PRDM10: variants seen among roughly 807,000 people sequenced by gnomAD.
The protein encoded by PRDM10 is PR domain zinc finger protein 10.
PRDM10 carries 65 observed loss-of-function variants against 133.1 expected under a neutral mutation model. That is an observed-to-expected ratio of 0.49 (90% confidence interval 0.40 to 0.60). The LOEUF (loss-of-function observed/expected upper bound fraction) is 0.60, where lower values mean the gene tolerates loss of function less well. PRDM10 is among the 20% of genes least tolerant of loss of function. PRDM10 has a pLI of 0.00. For synonymous variants in PRDM10, 582 were observed against 580.4 expected (o/e 1.00, Z -0.04); for missense variants, 1,137 against 1,507.1 (o/e 0.75, Z 4.07).
chr11:129,917,095 G>A, intron 15 of PRDM10, 32 bp downstream of exon 15: 1 of 1,516,256 alleles, frequency 6.6e-7, no homozygotes, highest in Non-Finnish European at 9.1e-7. Flanking sequence ...GGGAACCCCA[G>A]TGGCATACCA....
At chr11:129,989,917 C>G (rs1380690921) in intron 1 of PRDM10, among the ~76,000 whole-genome samples, 1 of 152,074 alleles carries the variant, frequency 6.6e-6, no homozygotes, top group Non-Finnish European at 1.5e-5. Context: ...AAGAAGAAAA[C>G]TCAGGCCGGG....
chr11:129,980,512 A>C (rs1327378385), intron 1 of PRDM10, among the ~76,000 whole-genome samples: 1 of 152,122 alleles, frequency 6.6e-6, no homozygotes, highest in Non-Finnish European at 1.5e-5. Context: ...GCTTCATCCC[A>C]AAACCATCCC....
At position 129,923,115 on chromosome 11, in the gene PRDM10, G is replaced by T; in HGVS notation, c.2034+133C>A. On this transcript the variant is annotated intron_variant, in intron 13 of 20. Coordinates refer to ENST00000360871, the MANE Select transcript of PRDM10 (RefSeq NM_199437.2). This position sits in a 1 kb window ranked among gnomAD's most constrained non-coding sequence, Gnocchi z 4.4. Reference sequence around the variant, plus strand: ...ATTTTATAACTAAGTCAAACACAAGGCCCAAAGAGTATCTCAGGTCCAGTT... The same window carrying T: ...ATTTTATAACTAAGTCAAACACAAGTCCCAAAGAGTATCTCAGGTCCAGTT... 3 of 1,090,788 alleles carry T rather than the reference G, an allele frequency of 2.8e-6. No homozygotes were observed. Among genetic ancestry groups the T allele is most frequent in the Non-Finnish European group, 3.7e-6 (3 of 801,970 alleles). 67.6% of individuals were successfully genotyped at this position (1,090,788 alleles called of 1,614,324 possible).
At chr11:129,988,935 A>G (rs147563558) in intron 1 of PRDM10, among the ~76,000 whole-genome samples, 1 of 152,110 alleles carries the variant, frequency 6.6e-6, no homozygotes, top group African/African-American at 2.4e-5. Flanking sequence ...GGCCAAGTCA[A>G]TGCAAACTTT....
intron 11 of PRDM10, chr11:129,929,454 G>A: frequency 6.5e-7 from 1 of 1,546,972 alleles, no homozygotes; most frequent in Non-Finnish European, 8.7e-7. Flanking sequence ...GAGAAAAATA[G>A]TTACATTACC....
chr11:129,916,768 A>G (rs1950371808), intron 15 of PRDM10, among the ~76,000 whole-genome samples: 1 of 152,232 alleles, frequency 6.6e-6, no homozygotes, highest in African/African-American at 2.4e-5. Flanking sequence ...TCCACCTTAT[A>G]GAAACCCCAA....
In PRDM10 at chr11:130,000,649, T is replaced by C. The variant is rs914918705; in HGVS notation, c.-119+2073A>G. ...TTTGAAAAAGCAAAACAATTTTGCC[T>C]TGCAAAACGAGGAACAGCATAGCAG... is the stretch of plus-strand genomic sequence containing the variant. On this transcript the variant is annotated intron_variant, in intron 1 of 20. Transcript: ENST00000360871. Among the ~76,000 whole-genome samples, 5 of 152,198 alleles carry C rather than the reference T, an allele frequency of 3.3e-5. No homozygotes were observed. The East Asian group carries it at 9.6e-4, about 29-fold the overall frequency.
At chr11:129,984,086 C>T (rs1462791406) in intron 1 of PRDM10, among the ~76,000 whole-genome samples, 7 of 152,188 alleles carry the variant, frequency 4.6e-5, no homozygotes, top group Admixed American at 4.6e-4. Flanking sequence ...TCCCCCTAGG[C>T]TTCCCCTCCA....
chr11:129,910,331 A>T, intron 19 of PRDM10, 145 bp downstream of exon 19: 1 of 1,205,958 alleles, frequency 8.3e-7, no homozygotes, highest in Non-Finnish European at 1.1e-6. Context: ...GAGTTTTGTC[A>T]TGAAACCCAT....
At chr11:129,904,129 G>C (rs907383089) in intron 20 of PRDM10, among the ~76,000 whole-genome samples, 1 of 135,670 alleles carries the variant, frequency 7.4e-6, no homozygotes, top group Non-Finnish European at 1.5e-5. Flanking sequence ...CTCGTGTGCT[G>C]AGAAACAGGT....
chr11:129,990,291 A>G (rs943880959), intron 1 of PRDM10, among the ~76,000 whole-genome samples: 1 of 152,000 alleles, frequency 6.6e-6, no homozygotes. Context: ...GCTTGCAGTG[A>G]GCTGAGATCG....
At chr11:130,002,033 G>A (rs1939425361) in intron 1 of PRDM10, among the ~76,000 whole-genome samples, 2 of 151,548 alleles carry the variant, frequency 1.3e-5, no homozygotes, top group Admixed American at 1.3e-4. Flanking sequence ...AGTGGGCGGC[G>A]CGGCCTCCGC....
At chr11:129,988,146 AT>A (rs1320846685) in intron 1 of PRDM10, among the ~76,000 whole-genome samples, 2 of 152,164 alleles carry the variant, frequency 1.3e-5, no homozygotes, top group African/African-American at 4.8e-5. Context: ...TGAAATATTA[AT>A]TTGCAGAATA....
intron 9 of PRDM10, among the ~76,000 whole-genome samples, chr11:129,934,212 C>T (rs889437812): frequency 3.3e-5 from 5 of 152,254 alleles, no homozygotes; most frequent in African/African-American, 1.2e-4. Flanking sequence ...CTGAATGAAG[C>T]TGGAGAAAAC....
intron 7 of PRDM10, among the ~76,000 whole-genome samples, chr11:129,938,460 C>T (rs1230379918): frequency 6.6e-6 from 1 of 152,140 alleles, no homozygotes; most frequent in African/African-American, 2.4e-5. Flanking sequence ...TTGATTCCTC[C>T]GCTTGCTTCT....
chr11:129,935,055 G>C lies in PRDM10; in HGVS notation c.1157+46C>G, dbSNP rs147657674. On this transcript the variant is annotated intron_variant, in intron 9 of 20. Coordinates refer to ENST00000360871, the MANE Select transcript of PRDM10 (RefSeq NM_199437.2). ...TAGTGGACAATATAGAAATGATTCT[G>C]AACCTTTATGAACTCAGTCTGTGAG... 1,166 of 1,490,302 alleles carry C rather than the reference G, an allele frequency of 7.8e-4. 15 individuals are homozygous for C. The African/African-American group carries it at 0.014, about 18-fold the overall frequency. 92.3% of individuals were successfully genotyped at this position (1,490,302 alleles called of 1,614,324 possible). A position where few individuals can be genotyped will look rare whatever the true frequency, so the allele number is the denominator to read the frequency against.
chr11:129,959,823 G>C (rs1951761280), intron 2 of PRDM10, among the ~76,000 whole-genome samples: 1 of 151,982 alleles, frequency 6.6e-6, no homozygotes, highest in South Asian at 2.1e-4. Flanking sequence ...CTGTCACCCA[G>C]GCTAGAGTGT....
In PRDM10 at chr11:129,944,828, G is replaced by A. The variant is rs116002683; in HGVS notation, c.705C>T (p.Pro235=). The change falls in exon 6 of 21, where the codon CCC becomes CCT. Residue 235 remains proline (P), a synonymous_variant. Coordinates refer to ENST00000360871, the MANE Select transcript of PRDM10 (RefSeq NM_199437.2). Reference sequence around the variant, plus strand: ...AGCCCCTGACGAGAGGCCCCTCCACGGGGCCAAACTGGGTGCGCTTGGGGA... The same window carrying A: ...AGCCCCTGACGAGAGGCCCCTCCACAGGGCCAAACTGGGTGCGCTTGGGGA... The part of the protein sequence containing the change: ...RRIPKRTQFG[P]VEGPLVRGSE... 3.3e-3 allele frequency: 5,355 copies of A among 1,614,060 alleles called. 167 individuals carry two copies. The African/African-American group carries it at 0.062, about 19-fold the overall frequency.
At chr11:129,935,028 G>T in intron 9 of PRDM10, 73 bp downstream of exon 9, 1 of 1,289,462 alleles carries the variant, frequency 7.8e-7, no homozygotes, top group Non-Finnish European at 1.1e-6. Context: ...ACACTCATTA[G>T]CTAGTGGACA....
Sources: allele counts gnomAD v4.1 joint callset (sites outside exome capture counted in the v4.1 genomes callset), GRCh38; gene constraint gnomAD v4.1.1; non-coding constraint Gnocchi (gnomAD v3.1); transcripts MANE v1.5; gene names NCBI Gene and HGNC (gene_info 2026-07-23, HGNC 2026-07-21).